Variants in ZEB1 observed in about 807,000 individuals in gnomAD.
The protein encoded by ZEB1 is zinc finger E-box binding homeobox 1.
Under a neutral mutation model 84.9 loss-of-function variants are expected in ZEB1, and 21 were observed. The observed-to-expected ratio is 0.25, with a 90% CI of 0.18 to 0.36. ZEB1 has a LOEUF of 0.36. ZEB1 is among the 10% of genes least tolerant of loss of function. The pLI is 1.00. For synonymous variants in ZEB1, 420 were observed against 471.1 expected (o/e 0.89, Z 1.41); for missense variants, 1,104 against 1,330.2 (o/e 0.83, Z 2.65).
At chr10:31,321,581 T>A in intron 1 of ZEB1, 1 of 1,613,956 alleles carries the variant, frequency 6.2e-7, no homozygotes, top group Admixed American at 1.7e-5. Flanking sequence ...ATTTAAAATG[T>A]TGATCGCCAG....
intron 1 of ZEB1, among the ~76,000 whole-genome samples, chr10:31,424,637 A>C (rs1195993423): frequency 6.6e-6 from 1 of 152,018 alleles, no homozygotes; most frequent in Non-Finnish European, 1.5e-5. Context: ...ACTCTGTGGA[A>C]GTGATTAAAG....
intron 1 of ZEB1, among the ~76,000 whole-genome samples, chr10:31,450,059 C>T (rs559621255): frequency 2.5e-4 from 38 of 152,304 alleles, no homozygotes; most frequent in Middle Eastern, 3.4e-3. Context: ...TCTATATAAA[C>T]TGTAGACGTG....
At chr10:31,415,274 C>T (rs1298386551) in intron 1 of ZEB1, among the ~76,000 whole-genome samples, 1 of 152,046 alleles carries the variant, frequency 6.6e-6, no homozygotes, top group Non-Finnish European at 1.5e-5. Context: ...CCTTTACTGT[C>T]TACATTAAGC....
chr10:31,384,940 A>G (rs1437266980), intron 1 of ZEB1, among the ~76,000 whole-genome samples: 3 of 152,050 alleles, frequency 2.0e-5, no homozygotes, highest in Admixed American at 1.3e-4. Context: ...TGCACTTAGT[A>G]CTTTGTAACT....
chr10:31,522,055 T>C, intron 7 of ZEB1, 119 bp downstream of exon 7: 1 of 1,441,992 alleles, frequency 6.9e-7, no homozygotes, highest in Non-Finnish European at 9.5e-7. Context: ...AAACTGTCAT[T>C]TTTAAAAGGA....
chr10:31,496,519 G>C (rs999335354), intron 3 of ZEB1, among the ~76,000 whole-genome samples: 1 of 152,058 alleles, frequency 6.6e-6, no homozygotes, highest in Non-Finnish European at 1.5e-5. Flanking sequence ...CAGATCTTAT[G>C]TATAGTAATA....
chr10:31,320,283 C>T (rs1482156649), intron 1 of ZEB1: 3 of 152,264 alleles, frequency 2.0e-5, no homozygotes, highest in Admixed American at 6.5e-5. Context: ...GAGTTGTTAC[C>T]TGGGCTTAGA....
chr10:31,524,474 G>A (rs373151313), intron 8 of ZEB1, among the ~76,000 whole-genome samples: 4 of 152,054 alleles, frequency 2.6e-5, no homozygotes, highest in East Asian at 3.9e-4. Flanking sequence ...CTCCCAAAGT[G>A]CTGGTATTAC....
At chr10:31,393,647 A>C (rs75182614) in intron 1 of ZEB1, among the ~76,000 whole-genome samples, 2,447 of 152,332 alleles carry the variant, frequency 0.016, 55 homozygotes, top group African/African-American at 0.056. Flanking sequence ...TCGTGACATT[A>C]AAAACAATTC....
At chr10:31,455,861 G>A (rs1165480148) in intron 1 of ZEB1, among the ~76,000 whole-genome samples, 1 of 152,062 alleles carries the variant, frequency 6.6e-6, no homozygotes, top group Non-Finnish European at 1.5e-5. Flanking sequence ...ATTCCTCAAG[G>A]ATCTAGAACT....
intron 4 of ZEB1, among the ~76,000 whole-genome samples, chr10:31,508,048 C>T (rs990759476): frequency 3.3e-5 from 5 of 152,016 alleles, no homozygotes; most frequent in African/African-American, 7.2e-5. Context: ...TGATATCTTT[C>T]GTTATAAATA....
In ZEB1 at chr10:31,449,119, G is replaced by C. The variant is rs545722163; in HGVS notation, c.59-11918G>C. Among the ~76,000 whole-genome samples the C allele has an allele frequency of 3.9e-5, 6 of 152,344 alleles. No individual in the cohort carries two copies. The South Asian group carries it at 1.2e-3, about 32-fold the overall frequency. On this transcript the variant is annotated intron_variant, in intron 1 of 8. Transcript: ENST00000424869. ...GGTGTGGGATATAGTCTCATGGTGC[G>C]CCATTTTTTAAGCCAGTCTGAAAAG...
At chr10:31,333,669 GA>G (rs2037312538) in intron 1 of ZEB1, among the ~76,000 whole-genome samples, 1 of 151,732 alleles carries the variant, frequency 6.6e-6, no homozygotes, top group African/African-American at 2.4e-5. Context: ...GAAAAGAGAA[GA>G]CAAGTAGCAC....
At chr10:31,392,455 T>G (rs2049924048) in intron 1 of ZEB1, among the ~76,000 whole-genome samples, 1 of 152,292 alleles carries the variant, frequency 6.6e-6, no homozygotes, top group African/African-American at 2.4e-5. Context: ...CTATATACAC[T>G]TCCTGTTGGT....
intron 1 of ZEB1, 157 bp downstream of exon 1, chr10:31,319,449 C>T (rs2033087310): frequency 4.4e-6 from 3 of 674,736 alleles, no homozygotes; most frequent in African/African-American, 1.8e-5. Context: ...CTGCCCCCCT[C>T]CGCTGCCGCC....
intron 1 of ZEB1, chr10:31,363,696 G>A (rs1225560446): frequency 2.3e-5 from 29 of 1,240,476 alleles, no homozygotes; most frequent in Non-Finnish European, 3.1e-5. Flanking sequence ...TTACGGGGCT[G>A]AGGTGTCCAA....
At chr10:31,465,503 C>G (rs942512057) in intron 2 of ZEB1, among the ~76,000 whole-genome samples, 10 of 151,384 alleles carry the variant, frequency 6.6e-5, no homozygotes, top group African/African-American at 2.4e-4. Context: ...AGCAAAGAAA[C>G]AAAGGCACTT....
intron 2 of ZEB1, among the ~76,000 whole-genome samples, chr10:31,494,812 G>A (rs1319274892): frequency 6.6e-6 from 1 of 151,916 alleles, no homozygotes; most frequent in Non-Finnish European, 1.5e-5. Context: ...CAAAAAGTAT[G>A]CATTTATTTA....
chr10:31,452,082 T>G (rs1399850685), intron 1 of ZEB1, among the ~76,000 whole-genome samples: 1 of 152,044 alleles, frequency 6.6e-6, no homozygotes, highest in Non-Finnish European at 1.5e-5. Flanking sequence ...GAGTTATGTT[T>G]TAAAATATAT....
Sources: allele counts gnomAD v4.1 joint callset (sites outside exome capture counted in the v4.1 genomes callset), GRCh38; gene constraint gnomAD v4.1.1; transcripts MANE v1.5; gene names NCBI Gene and HGNC (gene_info 2026-07-23, HGNC 2026-07-21).